Variants in ADGRB3 observed in about 807,000 individuals in gnomAD.
ADGRB3 encodes brain-specific angiogenesis inhibitor 3.
A neutral mutation model predicts 193.4 loss-of-function variants in ADGRB3; 37 were observed. The ratio of observed to expected loss-of-function variants is 0.19; its 90% CI spans 0.15 to 0.25. ADGRB3 has a LOEUF of 0.25. Among genes scored for constraint, ADGRB3 ranks in the 10% least tolerant of loss-of-function variants. The pLI, the probability that ADGRB3 is intolerant of heterozygous loss-of-function variation, is 1.00. For missense variants in ADGRB3, 1,637 were observed against 1,852.9 expected, an observed-to-expected ratio of 0.88 and a Z score of 2.14; for synonymous variants, 690 against 644.2, an observed-to-expected ratio of 1.07 and a Z score of -1.08.
intron 20 of ADGRB3, among the ~76,000 whole-genome samples, chr6:69,282,264 A>T (rs1020661213): frequency 6.6e-6 from 1 of 152,158 alleles, no homozygotes; most frequent in African/African-American, 2.4e-5. Flanking sequence ...AAGGCATAAG[A>T]TGCTTGAGGC....
intron 17 of ADGRB3, among the ~76,000 whole-genome samples, chr6:69,081,855 C>G (rs1772395596): frequency 6.6e-6 from 1 of 151,978 alleles, no homozygotes; most frequent in South Asian, 2.1e-4. Context: ...CCATTATGTC[C>G]ATTAGCGTGA....
intron 29 of ADGRB3, among the ~76,000 whole-genome samples, chr6:69,368,491 A>T (rs1350747215): frequency 6.6e-6 from 1 of 152,166 alleles, no homozygotes; most frequent in African/African-American, 2.4e-5. Flanking sequence ...TTGACCAATT[A>T]GAAATCCAGC....
intron 3 of ADGRB3, among the ~76,000 whole-genome samples, chr6:68,788,117 A>T (rs1767015824): frequency 6.6e-6 from 1 of 152,106 alleles, no homozygotes; most frequent in African/African-American, 2.4e-5. Flanking sequence ...TCCTGGATTC[A>T]TTAATTTTTT....
chr6:68,718,366 A>G (rs879667209), intron 3 of ADGRB3, among the ~76,000 whole-genome samples: 1 of 151,728 alleles, frequency 6.6e-6, no homozygotes, highest in Non-Finnish European at 1.5e-5. Flanking sequence ...GCCATGGACC[A>G]CTTAGAGAAT....
At chr6:68,868,936 T>TGTGTGG (rs1765383153) in intron 3 of ADGRB3, among the ~76,000 whole-genome samples, 1 of 150,568 alleles carries the variant, frequency 6.6e-6, no homozygotes, top group Non-Finnish European at 1.5e-5. Context: ...TGTGTGTGTG[T>TGTGTGG]GTGTGAGTGT....
At chr6:69,185,525 T>A (rs949080777) in intron 17 of ADGRB3, among the ~76,000 whole-genome samples, 5 of 152,160 alleles carry the variant, frequency 3.3e-5, no homozygotes. Flanking sequence ...TTTCTTAGAA[T>A]TTCTGTTTTC....
intron 18 of ADGRB3, among the ~76,000 whole-genome samples, 176 bp downstream of exon 18, chr6:69,233,592 ATAAC>A (rs1766200587): frequency 6.6e-6 from 1 of 152,238 alleles, no homozygotes; most frequent in African/African-American, 2.4e-5. Context: ...TTGGTATTCT[ATAAC>A]TAAATTCTAC....
chr6:68,770,318 A>G (rs1375389581), intron 3 of ADGRB3, among the ~76,000 whole-genome samples: 1 of 152,170 alleles, frequency 6.6e-6, no homozygotes, highest in Non-Finnish European at 1.5e-5. Flanking sequence ...GGGAATATGC[A>G]GACCCTCTTC....
intron 20 of ADGRB3, among the ~76,000 whole-genome samples, chr6:69,311,465 A>G (rs1235856851): frequency 2.6e-5 from 4 of 151,768 alleles, no homozygotes; most frequent in Admixed American, 1.3e-4. Flanking sequence ...AGAGGCTTCA[A>G]TGCTTCTTAG....
intron 17 of ADGRB3, among the ~76,000 whole-genome samples, chr6:69,155,509 A>C (rs1310161799): frequency 6.6e-6 from 1 of 152,240 alleles, no homozygotes; most frequent in African/African-American, 2.4e-5. Flanking sequence ...GATACTTTGC[A>C]AACTCTAGAT....
chr6:68,639,438 T>G lies in ADGRB3; in HGVS notation c.757+6T>G. ...CAAGCGACCACCCAAAGAAGGTAAG[T>G]GCCAAAGAGAGGGGAAGGTGAGCGG... On this transcript the variant is annotated splice_donor_region_variant and intron_variant, in intron 3 of 31. Transcript: ENST00000370598. The G allele has an allele frequency of 6.3e-7, 1 of 1,593,174 alleles. No individual in the cohort carries two copies. Among genetic ancestry groups the G allele is most frequent in the Non-Finnish European group, 8.5e-7 (1 of 1,169,946 alleles).
intron 26 of ADGRB3, among the ~76,000 whole-genome samples, chr6:69,349,972 G>A (rs1381042363): frequency 6.6e-6 from 1 of 152,112 alleles, no homozygotes; most frequent in African/African-American, 2.4e-5. Context: ...TCTAACTCTG[G>A]CACCAGCTTC....
chr6:69,237,082 A>G (rs1385761556), intron 19 of ADGRB3, among the ~76,000 whole-genome samples: 1 of 152,060 alleles, frequency 6.6e-6, no homozygotes, highest in African/African-American at 2.4e-5. Flanking sequence ...AAGCGCCTAC[A>G]GAAACACCAA....
intron 3 of ADGRB3, among the ~76,000 whole-genome samples, chr6:68,681,184 A>T (rs1040559015): frequency 6.6e-6 from 1 of 152,166 alleles, no homozygotes; most frequent in South Asian, 2.1e-4. Flanking sequence ...GGTGGAGAGG[A>T]CACCAAGCCA....
intron 17 of ADGRB3, among the ~76,000 whole-genome samples, chr6:69,093,960 T>C (rs929568463): frequency 1.3e-5 from 2 of 152,186 alleles, no homozygotes; most frequent in Non-Finnish European, 2.9e-5. Context: ...ATTATTGTTT[T>C]TAAAAATATA....
chr6:68,749,406 A>ATGTGTGTGTG (rs1402921928), intron 3 of ADGRB3, among the ~76,000 whole-genome samples: 16 of 101,122 alleles, frequency 1.6e-4, no homozygotes, highest in African/African-American at 6.3e-4. Context: ...ATATATATAT[A>ATGTGTGTGTG]TATGTGTGTG....
rs1199072186 is a variant in ADGRB3 at position 68,660,978 on chromosome 6, TTGTA to T, written c.757+21552_757+21555del. ...AAATCATTTTGCAAAAATTATGTATTTGTATGTATTTATTTATAAATATATAATT... is the reference window on the plus strand; with the variant it reads ...AAATCATTTTGCAAAAATTATGTATTTGTATTTATTTATAAATATATAATT... On this transcript the variant is annotated intron_variant, in intron 3 of 31. Transcript: ENST00000370598. Among the ~76,000 whole-genome samples the T allele has an allele frequency of 2.7e-5, 4 of 150,894 alleles. No homozygotes were observed. The East Asian group carries it at 7.8e-4, about 29-fold the overall frequency.
At chr6:69,095,568 G>A (rs1369930023) in intron 17 of ADGRB3, among the ~76,000 whole-genome samples, 6 of 152,162 alleles carry the variant, frequency 3.9e-5, no homozygotes, top group African/African-American at 1.2e-4. Context: ...TAAAAAGCTG[G>A]GGTTTAGCAA....
intron 13 of ADGRB3, among the ~76,000 whole-genome samples, chr6:69,038,564 T>C (rs1770942256): frequency 6.6e-6 from 1 of 152,224 alleles, no homozygotes; most frequent in Admixed American, 6.5e-5. Flanking sequence ...TTTTATTTTG[T>C]GTTCATGTTT....
Sources: allele counts gnomAD v4.1 joint callset (sites outside exome capture counted in the v4.1 genomes callset), GRCh38; gene constraint gnomAD v4.1.1; transcripts MANE v1.5; gene names NCBI Gene and HGNC (gene_info 2026-07-23, HGNC 2026-07-21).